TRPA1: variants seen among roughly 807,000 people sequenced by gnomAD.
TRPA1 encodes the protein transient receptor potential cation channel subfamily A member 1.
In TRPA1, 129 loss-of-function variants were observed where a neutral mutation model predicts 131.3. The observed-to-expected ratio is 0.98, with a 90% confidence interval of 0.85 to 1.14. The LOEUF (loss-of-function observed/expected upper bound fraction) is 1.14. Among genes scored for constraint, TRPA1 ranks in the 50% most tolerant of loss-of-function variants. The probability of loss-of-function intolerance (pLI) is 0.00; values close to 1 mark genes in which losing one functional copy is unlikely to be tolerated. For missense variants in TRPA1, 1,304 were observed against 1,354.2 expected (o/e 0.96, Z 0.58); for synonymous variants, 441 against 451.7 (o/e 0.98, Z 0.30).
intron 3 of TRPA1, among the ~76,000 whole-genome samples, chr8:72,068,185 A>T (rs1020807758): frequency 1.3e-5 from 2 of 152,234 alleles, no homozygotes; most frequent in African/African-American, 4.8e-5. Flanking sequence ...AGGGAGCCTG[A>T]AACTCATGGA....
chr8:72,022,961 C>G lies in TRPA1; in HGVS notation c.3305G>C (p.Arg1102Thr), dbSNP rs1463396370. The G allele has an allele frequency of 2.5e-6, 4 of 1,613,858 alleles. No individual in the cohort carries two copies. The East Asian group carries it at 6.7e-5, about 27-fold the overall frequency. ...GACTGCTCTCAACACAGTATTCCAT[C>G]TGCTATTCCTTTGTTCCATCTGCTC... is the stretch of plus-strand genomic sequence containing the variant. ...KKEQMEQRNS[R>T]WNTVLRAVKA... The change falls in exon 27 of 27, where the codon AGA (arginine) becomes ACA (threonine). Residue 1102 changes from arginine (R) to threonine (T), a missense_variant. Physicochemically the swap from Arg to Thr is moderately conservative, Grantham distance 71. Coordinates refer to ENST00000262209, the MANE Select transcript of TRPA1 (RefSeq NM_007332.3).
Position 72,046,502 on chromosome 8 carries a change from A to G in TRPA1, c.2061+11T>C, listed in dbSNP as rs1030410620. 3 of 1,509,278 alleles carry G rather than the reference A, an allele frequency of 2.0e-6. No individual in the cohort carries two copies. Among genetic ancestry groups the G allele is most frequent in the Non-Finnish European group, 2.7e-6 (3 of 1,102,850 alleles). 93.5% of individuals were successfully genotyped at this position (1,509,278 alleles called of 1,614,324 possible). A position where few individuals can be genotyped will look rare whatever the true frequency, so the allele number is the denominator to read the frequency against. The stretch of plus-strand genomic sequence containing the variant: ...AAGAAACTATTTAGATAATGAAAAC[A>G]TTGAACTTACGTTGAGGGCTGTAAG... On this transcript the variant is annotated intron_variant, in intron 17 of 26. Coordinates refer to ENST00000262209, the MANE Select transcript of TRPA1 (RefSeq NM_007332.3).
At chr8:72,036,043 G>C (rs1205333885) in intron 21 of TRPA1, among the ~76,000 whole-genome samples, 2 of 126,598 alleles carry the variant, frequency 1.6e-5, no homozygotes, top group Non-Finnish European at 3.4e-5. Context: ...AGAAGAAGAA[G>C]AAGAAGAAAA....
the TRPA1 span, among the ~76,000 whole-genome samples, chr8:72,084,988 A>G: frequency 6.6e-6 from 1 of 152,116 alleles, no homozygotes; most frequent in Non-Finnish European, 1.5e-5. Context: ...TTGTTGTCTC[A>G]TCAGTGTTGA....
rs552034274 is a variant in TRPA1 at position 72,059,022 on chromosome 8, T to C, written c.993+368A>G. On this transcript the variant is annotated intron_variant, in intron 8 of 26. Transcript: ENST00000262209. ...TAGGAGTTTCCCCCCGTGCTGCCTG[T>C]CCTGCCTCCACCTTAAAGCCACCAG... Among the ~76,000 whole-genome samples the C allele has an allele frequency of 2.0e-5, 3 of 152,294 alleles. No homozygotes were observed. In the East Asian group the frequency reaches 5.8e-4, roughly 29 times the overall value.
At chr8:72,071,325 C>T (rs80226368) in intron 2 of TRPA1, among the ~76,000 whole-genome samples, 1 of 152,282 alleles carries the variant, frequency 6.6e-6, no homozygotes, top group Non-Finnish European at 1.5e-5. Flanking sequence ...AGGCTGGCAT[C>T]TGGAAAACAT....
At chr8:72,038,771 C>T (rs1450517882) in intron 19 of TRPA1, 94 bp downstream of exon 19, 2 of 1,070,348 alleles carry the variant, frequency 1.9e-6, no homozygotes, top group Non-Finnish European at 2.7e-6. Context: ...ATAATAAAGT[C>T]CTGATATGTC....
At chr8:72,062,708 A>G (rs1649341402) in intron 6 of TRPA1, 91 bp downstream of exon 6, 3 of 1,270,490 alleles carry the variant, frequency 2.4e-6, no homozygotes, top group Non-Finnish European at 3.4e-6. Context: ...TATGTATTTC[A>G]ATCTAAATTA....
chr8:72,025,783 C>G (rs1811582356), intron 25 of TRPA1, among the ~76,000 whole-genome samples, 177 bp downstream of exon 25: 1 of 152,214 alleles, frequency 6.6e-6, no homozygotes, highest in Non-Finnish European at 1.5e-5. Flanking sequence ...TCACCCTCCT[C>G]TCACCCAGCT....
At chr8:72,065,289 G>C (rs920155504) in intron 4 of TRPA1, among the ~76,000 whole-genome samples, 162 bp downstream of exon 4, 4 of 152,102 alleles carry the variant, frequency 2.6e-5, no homozygotes, top group African/African-American at 9.7e-5. Context: ...TAAGCAGGGA[G>C]TACATATACA....
chr8:72,057,413 G>A (rs1045352909), intron 9 of TRPA1, among the ~76,000 whole-genome samples: 7 of 152,148 alleles, frequency 4.6e-5, no homozygotes, highest in Admixed American at 1.3e-4. Context: ...ACACCACACA[G>A]GACTGATACA....
At chr8:72,072,693 T>C (rs771115097) in intron 1 of TRPA1, among the ~76,000 whole-genome samples, 5 of 152,198 alleles carry the variant, frequency 3.3e-5, no homozygotes, top group Admixed American at 6.5e-5. Context: ...CTAAATCTAT[T>C]TGGAAGCATT....
At chr8:72,041,323 A>T (rs776959385) in intron 17 of TRPA1, 3 of 152,060 alleles carry the variant, frequency 2.0e-5, no homozygotes, top group Non-Finnish European at 4.4e-5. Flanking sequence ...AAGTTCAATA[A>T]GGAAACAGAA....
At chr8:72,063,397 CA>C (rs1242448717) in intron 5 of TRPA1, 65 bp downstream of exon 5, 3 of 1,184,826 alleles carry the variant, frequency 2.5e-6, no homozygotes, top group Non-Finnish European at 3.7e-6. Flanking sequence ...AAAAAAAAAT[CA>C]AATTAATAGC....
intron 19 of TRPA1, 108 bp from the exon 20 acceptor site, chr8:72,038,180 T>C: frequency 1.6e-6 from 1 of 631,514 alleles, no homozygotes; most frequent in Non-Finnish European, 2.8e-6. Context: ...TTGCTTAATT[T>C]CTATATACTG....
chr8:72,083,777 A>T, the TRPA1 span, among the ~76,000 whole-genome samples: 23 of 140,850 alleles, frequency 1.6e-4, 1 homozygote, highest in African/African-American at 5.8e-4. Context: ...ACAAAAAAAA[A>T]TTTTTCTGTA....
At chr8:72,026,926 G>C (rs1342197399) in intron 24 of TRPA1, among the ~76,000 whole-genome samples, 1 of 151,920 alleles carries the variant, frequency 6.6e-6, no homozygotes, top group East Asian at 1.9e-4. Context: ...CCCCCTCACT[G>C]TCCCCCAAAT....
At chr8:72,069,287 C>A in intron 2 of TRPA1, 89 bp from the exon 3 acceptor site, 2 of 1,313,004 alleles carry the variant, frequency 1.5e-6, no homozygotes, top group Non-Finnish European at 2.2e-6. Flanking sequence ...AACTCAGTGC[C>A]AAGTGCAAAT....
At chr8:72,056,808 T>C in intron 10 of TRPA1, 109 bp downstream of exon 10, 1 of 799,312 alleles carries the variant, frequency 1.3e-6, no homozygotes, top group South Asian at 1.7e-5. Flanking sequence ...TAAAACATTT[T>C]TAAAATTCCA....
Sources: allele counts gnomAD v4.1 joint callset (sites outside exome capture counted in the v4.1 genomes callset), GRCh38; gene constraint gnomAD v4.1.1; transcripts MANE v1.5; gene names NCBI Gene and HGNC (gene_info 2026-07-23, HGNC 2026-07-21).